Variants in PEX14 observed in about 807,000 individuals in gnomAD.
The protein encoded by PEX14 is peroxisomal biogenesis factor 14.
PEX14 carries 15 observed loss-of-function variants against 49.5 expected under a neutral mutation model. That is an observed-to-expected ratio of 0.30 (90% CI 0.20 to 0.47). The LOEUF is 0.47. Ranked by LOEUF, PEX14 falls within the 20% of genes least tolerant of loss-of-function variation. PEX14 has a pLI of 1.00. For synonymous variants in PEX14, 210 were observed against 212.7 expected (o/e 0.99, Z 0.11); for missense variants, 398 against 494.8 (o/e 0.80, Z 1.86).
chr1:10,620,174 G>C (rs1269126410), intron 5 of PEX14, among the ~76,000 whole-genome samples: 1 of 152,070 alleles, frequency 6.6e-6, no homozygotes, highest in Non-Finnish European at 1.5e-5. Context: ...GTTGGCCCAG[G>C]TGCCGTGGCT....
intron 2 of PEX14, chr1:10,517,132 G>A (rs1641982990): frequency 6.6e-6 from 1 of 152,254 alleles, no homozygotes; most frequent in Non-Finnish European, 1.5e-5. Context: ...AAGAAGTGAG[G>A]TCAGAGGAGC....
chr1:10,627,240 C>T, intron 7 of PEX14, 32 bp from the exon 8 acceptor site: 1 of 1,535,184 alleles, frequency 6.5e-7, no homozygotes. Flanking sequence ...CGCAAGGCGC[C>T]CGCCCTGAGC....
At chr1:10,522,943 T>C (rs1638348282) in intron 2 of PEX14, among the ~76,000 whole-genome samples, 1 of 152,258 alleles carries the variant, frequency 6.6e-6, no homozygotes, top group Admixed American at 6.5e-5. Flanking sequence ...TCATTTTAGA[T>C]GAACGTGTTT....
intron 3 of PEX14, among the ~76,000 whole-genome samples, chr1:10,552,556 C>T (rs1639366535): frequency 6.6e-6 from 1 of 152,210 alleles, no homozygotes. Flanking sequence ...CACATAGAGG[C>T]AGTATGATTC....
intron 3 of PEX14, among the ~76,000 whole-genome samples, chr1:10,572,243 A>ATTTAATT (rs1639998196): frequency 6.6e-6 from 1 of 152,210 alleles, no homozygotes; most frequent in African/African-American, 2.4e-5. Flanking sequence ...TTAACAGGAT[A>ATTTAATT]TGCCAGTACT....
chr1:10,492,638 G>T (rs1641491408), intron 1 of PEX14, among the ~76,000 whole-genome samples: 1 of 152,204 alleles, frequency 6.6e-6, no homozygotes, highest in Non-Finnish European at 1.5e-5. Context: ...TGGAGTAGAG[G>T]AAACCCTCAG....
At chr1:10,560,974 C>T (rs1570268544) in intron 3 of PEX14, among the ~76,000 whole-genome samples, 1 of 152,108 alleles carries the variant, frequency 6.6e-6, no homozygotes, top group East Asian at 1.9e-4. Context: ...CCCTCGGCCT[C>T]CCAAAGTGCC....
intron 2 of PEX14, among the ~76,000 whole-genome samples, chr1:10,500,729 C>T (rs1641662900): frequency 6.6e-6 from 1 of 152,128 alleles, no homozygotes; most frequent in Admixed American, 6.5e-5. Context: ...CGTGCACCAC[C>T]ACGGCCAGCT....
At chr1:10,599,421 C>T in intron 4 of PEX14, 55 bp downstream of exon 4, 1 of 1,597,540 alleles carries the variant, frequency 6.3e-7, no homozygotes, top group East Asian at 2.2e-5. Flanking sequence ...AGGACTCTGG[C>T]CAAAGGGCAG....
intron 7 of PEX14, among the ~76,000 whole-genome samples, chr1:10,626,286 G>A (rs1299292273): frequency 6.6e-6 from 1 of 152,208 alleles, no homozygotes; most frequent in Admixed American, 6.5e-5. Flanking sequence ...GGCTGCTGTA[G>A]CTTTCAAGGT....
At chr1:10,580,627 T>G (rs1413644223) in intron 3 of PEX14, among the ~76,000 whole-genome samples, 1 of 152,204 alleles carries the variant, frequency 6.6e-6, no homozygotes, top group Non-Finnish European at 1.5e-5. Flanking sequence ...CATATTAAAG[T>G]TCTTAATATG....
At chr1:10,535,017 T>G (rs1440475297) in intron 2 of PEX14, among the ~76,000 whole-genome samples, 2 of 152,238 alleles carry the variant, frequency 1.3e-5, no homozygotes, top group African/African-American at 4.8e-5. Context: ...ACTGCTTCCC[T>G]TAGTTTGAAG....
chr1:10,574,961 G>T (rs1280066989), intron 3 of PEX14, among the ~76,000 whole-genome samples: 1 of 151,778 alleles, frequency 6.6e-6, no homozygotes, highest in Non-Finnish European at 1.5e-5. Context: ...ATTCGTAAAA[G>T]ATAAACCAGG....
intron 3 of PEX14, among the ~76,000 whole-genome samples, chr1:10,587,636 C>T (rs1640533402): frequency 6.6e-6 from 1 of 152,036 alleles, no homozygotes. Flanking sequence ...ATAGTTTACA[C>T]ATGTACAAGT....
At chr1:10,568,533 A>T (rs1639880247) in intron 3 of PEX14, among the ~76,000 whole-genome samples, 1 of 152,056 alleles carries the variant, frequency 6.6e-6, no homozygotes, top group Non-Finnish European at 1.5e-5. Flanking sequence ...TATATTATTA[A>T]TATGAATTCC....
At chr1:10,626,647 C>T (rs1413883783) in intron 7 of PEX14, among the ~76,000 whole-genome samples, 1 of 152,222 alleles carries the variant, frequency 6.6e-6, no homozygotes, top group Non-Finnish European at 1.5e-5. Context: ...TTCATCTGTG[C>T]ACTTAAAGAT....
chr1:10,624,190 A>G (rs1406964994), intron 6 of PEX14, 150 bp from the exon 7 acceptor site: 3 of 744,516 alleles, frequency 4.0e-6, no homozygotes, highest in Non-Finnish European at 7.5e-6. Context: ...CCCAGAGTGC[A>G]GATAAATTAG....
chr1:10,562,823 C>G (rs1310045821), intron 3 of PEX14, among the ~76,000 whole-genome samples: 1 of 152,034 alleles, frequency 6.6e-6, no homozygotes, highest in African/African-American at 2.4e-5. Flanking sequence ...CTAATGATTC[C>G]TCACTGAATC....
intron 4 of PEX14, among the ~76,000 whole-genome samples, chr1:10,608,488 C>A (rs1379717178): frequency 6.6e-6 from 1 of 151,906 alleles, no homozygotes; most frequent in Non-Finnish European, 1.5e-5. Context: ...ATGGTGAAAC[C>A]CGGTCTCTAC....
Sources: gnomAD v4.1 joint callset for allele counts (sites outside exome capture counted in the v4.1 genomes callset) on GRCh38, gnomAD v4.1.1 for gene constraint, MANE v1.5 for transcripts, NCBI Gene and HGNC (gene_info 2026-07-23, HGNC 2026-07-21) for gene names.